ASL: variants seen among roughly 807,000 people sequenced by gnomAD.
ASL encodes argininosuccinate lyase, also known as argininosuccinase.
A neutral mutation model predicts 69.1 loss-of-function variants in ASL; 51 were observed. The ratio of observed to expected loss-of-function variants is 0.74; its 90% CI spans 0.59 to 0.93. The LOEUF (loss-of-function observed/expected upper bound fraction) is 0.93. Among genes scored for constraint, ASL ranks in the 40% least tolerant of loss-of-function variants. ASL has a pLI of 0.00. For missense variants in ASL, 540 were observed against 623.9 expected (o/e 0.87, Z 1.43); for synonymous variants, 241 against 247.6 (o/e 0.97, Z 0.25).
chr7:66,086,382 G>T (rs1358526006), intron 6 of ASL, among the ~76,000 whole-genome samples: 1 of 152,212 alleles, frequency 6.6e-6, no homozygotes, highest in Non-Finnish European at 1.5e-5. Flanking sequence ...CTCAGGCCCA[G>T]TCCTTGGTTC....
At chr7:66,079,396 C>G (rs900270177) in intron 2 of ASL, among the ~76,000 whole-genome samples, 2 of 152,090 alleles carry the variant, frequency 1.3e-5, no homozygotes, top group Admixed American at 6.6e-5. Context: ...GGCACTAGGG[C>G]TGCTCCCCAG....
intron 6 of ASL, among the ~76,000 whole-genome samples, chr7:66,085,441 C>T (rs1450990927): frequency 1.3e-5 from 2 of 151,648 alleles, no homozygotes; most frequent in Non-Finnish European, 2.9e-5. Flanking sequence ...CACTGCATTC[C>T]AGCCTGGGCA....
intron 2 of ASL, among the ~76,000 whole-genome samples, chr7:66,077,850 A>G (rs1429481370): frequency 6.6e-6 from 1 of 152,220 alleles, no homozygotes; most frequent in East Asian, 1.9e-4. Context: ...GGCCCTGAAG[A>G]GACCATTCTG....
At chr7:66,088,664 T>A in intron 10 of ASL, 143 bp from the exon 11 acceptor site, 1 of 731,238 alleles carries the variant, frequency 1.4e-6, no homozygotes, top group Non-Finnish European at 2.4e-6. Flanking sequence ...TCAGAACAGC[T>A]TGGGCGACAT....
At chr7:66,082,738 C>A in intron 4 of ASL, 142 bp from the exon 5 acceptor site, 1 of 1,032,652 alleles carries the variant, frequency 9.7e-7, no homozygotes, top group Non-Finnish European at 1.5e-6. Context: ...CAGGCCTCAG[C>A]AGAAATGGCG....
rs1250542604 is a variant in ASL at position 66,093,202 on chromosome 7, A to G, written c.*290A>G. Reference sequence around the variant, plus strand: ...CGTGGTGGCCCATGCATATAGTCCCAGCTACTTGTAAGGCTGAGGTGAGAG... The same window carrying G: ...CGTGGTGGCCCATGCATATAGTCCCGGCTACTTGTAAGGCTGAGGTGAGAG... On this transcript the variant is annotated 3_prime_UTR_variant, in exon 17 of 17. Transcript: ENST00000304874. 2.0e-6 allele frequency: 1 copy of G among 496,394 alleles called. No homozygotes were observed. The allele number at this position is 496,394 out of a possible 1,614,324, so 30.7% of individuals were successfully genotyped here.
rs1370830986 is a variant in ASL, at chr7:66,086,843, C to T, written c.602+22C>T. ...GGAGGTGGGTGAGGCTCCAGTGCCC[C>T]GAGGGCCTGGTGGGGGTGGCTGCTG... On this transcript the variant is annotated intron_variant, in intron 8 of 16. Coordinates refer to ENST00000304874, the MANE Select transcript of ASL (RefSeq NM_000048.4). 5.1e-6 allele frequency: 8 copies of T among 1,558,782 alleles called. No individual in the cohort carries two copies. In the Admixed American group the frequency reaches 7.7e-5, roughly 15 times the overall value.
intron 13 of ASL, 74 bp from the exon 14 acceptor site, chr7:66,089,537 TG>T (rs556672805): frequency 2.9e-5 from 37 of 1,293,362 alleles, no homozygotes; most frequent in African/African-American, 1.1e-4. Context: ...GATGCCTCAG[TG>T]GGGGGGTGGG....
Position 66,076,058 on chromosome 7 carries a change from C to T in ASL, c.-24C>T. On this transcript the variant is annotated 5_prime_UTR_variant, in exon 2 of 17. Transcript: ENST00000304874. Reference sequence around the variant, plus strand: ...TTCCAGACCCGGAGGACCGAAGCTTCCGGACGACGAGGAACCGCCCAACAT... The same window carrying T: ...TTCCAGACCCGGAGGACCGAAGCTTTCGGACGACGAGGAACCGCCCAACAT... 6.3e-7 allele frequency: 1 copy of T among 1,597,548 alleles called. No individual in the cohort carries two copies. The highest frequency in any genetic ancestry group is 1.1e-5 in the South Asian group (1 of 88,118).
chr7:66,092,122 T>C (rs774751340), intron 15 of ASL, 36 bp downstream of exon 15: 1 of 1,603,268 alleles, frequency 6.2e-7, no homozygotes, highest in Admixed American at 1.7e-5. Flanking sequence ...GGTGAGGAGA[T>C]GGGGTGCCCC....
chr7:66,085,048 G>A (rs1786619877), intron 6 of ASL, among the ~76,000 whole-genome samples: 1 of 152,134 alleles, frequency 6.6e-6, no homozygotes, highest in African/African-American at 2.4e-5. Context: ...TTGAGCCACC[G>A]TGCCTGGCCT....
chr7:66,076,066 C>T lies in ASL; in HGVS notation c.-16C>T, dbSNP rs372229504. The T allele has an allele frequency of 1.0e-5, 16 of 1,598,990 alleles. No homozygotes were observed. The African/African-American group carries it at 1.6e-4, about 16-fold the overall frequency. ...CCGGAGGACCGAAGCTTCCGGACGA[C>T]GAGGAACCGCCCAACATGGCCTCGG... On this transcript the variant is annotated 5_prime_UTR_variant, in exon 2 of 17. The change creates a new upstream start codon in the 5' untranslated region. Transcript: ENST00000304874.
chr7:66,083,623 G>T (rs1781721199), intron 6 of ASL, among the ~76,000 whole-genome samples: 1 of 151,500 alleles, frequency 6.6e-6, no homozygotes, highest in African/African-American at 2.4e-5. Context: ...GGAGGAGGTT[G>T]CAATGAGCCG....
At chr7:66,087,112 G>A (rs776558740) in intron 8 of ASL, 3 of 652,100 alleles carry the variant, frequency 4.6e-6, no homozygotes, top group Non-Finnish European at 8.1e-6. Context: ...GGGTGACTTA[G>A]TGCTTGGGGA....
intron 14 of ASL, 149 bp downstream of exon 14, chr7:66,089,844 A>G: frequency 1.1e-6 from 1 of 884,702 alleles, no homozygotes; most frequent in Non-Finnish European, 1.8e-6. Context: ...CCTGGGGAAC[A>G]GGGAAAGGAC....
intron 6 of ASL, 40 bp from the exon 7 acceptor site, chr7:66,086,545 A>G (rs1471681808): frequency 1.2e-6 from 2 of 1,608,340 alleles, no homozygotes; most frequent in East Asian, 2.2e-5. Context: ...CAGGCCTTGC[A>G]TGAGCCTCCA....
At chr7:66,087,559 T>G (rs1415083397) in intron 9 of ASL, 170 bp from the exon 10 acceptor site, 2 of 985,164 alleles carry the variant, frequency 2.0e-6, no homozygotes, top group East Asian at 5.2e-5. Flanking sequence ...CAGGGATGCC[T>G]GGTACTGAGA....
At chr7:66,077,907 A>G (rs1144894) in intron 2 of ASL, among the ~76,000 whole-genome samples, 90,841 of 151,876 alleles carry the variant, frequency 0.6, 27,690 homozygotes, top group African/African-American at 0.7. Flanking sequence ...CTACCACACT[A>G]GGCCTCCACT....
rs1786878657 is a variant in ASL at position 66,092,548 on chromosome 7, G to A, written c.1144-9G>A. On this transcript the variant is annotated splice_polypyrimidine_tract_variant and intron_variant, in intron 15 of 16. Transcript: ENST00000304874. ...CTGCCTCAGCGCCATCTTCCTCCCTGGCACCCAGATGCCATTCCGCCAGGC... is the reference window on the plus strand; with the variant it reads ...CTGCCTCAGCGCCATCTTCCTCCCTAGCACCCAGATGCCATTCCGCCAGGC... The A allele has an allele frequency of 6.2e-7, 1 of 1,606,240 alleles. No individual in the cohort carries two copies. Among genetic ancestry groups the A allele is most frequent in the South Asian group, 1.1e-5 (1 of 90,978 alleles).
Sources: gnomAD v4.1 joint callset for allele counts (sites outside exome capture counted in the v4.1 genomes callset) on GRCh38, gnomAD v4.1.1 for gene constraint, MANE v1.5 for transcripts, NCBI Gene and HGNC (gene_info 2026-07-23, HGNC 2026-07-21) for gene names.